The following TMPRSS7 variants were observed in gnomAD, a reference collection of about 807,000 sequenced individuals.
The protein encoded by TMPRSS7 is transmembrane protease serine 7.
In TMPRSS7, 81 loss-of-function variants were observed where a neutral mutation model predicts 95.6. That is an observed-to-expected ratio of 0.85 (90% CI 0.71 to 1.02). The LOEUF (loss-of-function observed/expected upper bound fraction) is 1.02, where lower values mean the gene tolerates loss of function less well. TMPRSS7 is among the 50% of genes least tolerant of loss of function. TMPRSS7 has a pLI of 0.00. For missense variants in TMPRSS7, 945 were observed against 955.2 expected, an observed-to-expected ratio of 0.99 and a Z score of 0.14; for synonymous variants, 364 against 337.8, an observed-to-expected ratio of 1.08 and a Z score of -0.85.
At chr3:112,075,955 C>T (rs1559964475) in intron 15 of TMPRSS7, among the ~76,000 whole-genome samples, 1 of 152,120 alleles carries the variant, frequency 6.6e-6, no homozygotes, top group African/African-American at 2.4e-5. Context: ...TCATTCACTT[C>T]TCATTCTGCA....
intron 12 of TMPRSS7, among the ~76,000 whole-genome samples, chr3:112,065,622 C>G (rs753426137): frequency 1.3e-5 from 2 of 152,084 alleles, no homozygotes; most frequent in Non-Finnish European, 2.9e-5. Flanking sequence ...ACTGAGGGAC[C>G]TAATGAACAA....
At chr3:112,065,862 A>T (rs1018340248) in intron 12 of TMPRSS7, among the ~76,000 whole-genome samples, 1 of 152,246 alleles carries the variant, frequency 6.6e-6, no homozygotes, top group Non-Finnish European at 1.5e-5. Context: ...CAGGAAATGG[A>T]TCTCATCAGA....
chr3:112,060,486 G>T (rs998458805), intron 10 of TMPRSS7, among the ~76,000 whole-genome samples: 33 of 152,180 alleles, frequency 2.2e-4, no homozygotes, highest in African/African-American at 7.7e-4. Context: ...ACCCTCAGGG[G>T]CACATTCTCT....
intron 13 of TMPRSS7, among the ~76,000 whole-genome samples, chr3:112,069,982 T>C (rs2073622269): frequency 6.6e-6 from 1 of 152,232 alleles, no homozygotes; most frequent in African/African-American, 2.4e-5. Flanking sequence ...CAAATTTCCC[T>C]CTACACACCG....
intron 7 of TMPRSS7, 104 bp from the exon 8 acceptor site, chr3:112,049,740 G>A: frequency 1.0e-6 from 1 of 958,956 alleles, no homozygotes; most frequent in Admixed American, 2.8e-5. Flanking sequence ...TGAGTGGATG[G>A]ATTGAATGGA....
chr3:112,052,474 A>T lies in TMPRSS7; in HGVS notation c.1203+1691A>T, dbSNP rs762213178. On this transcript the variant is annotated intron_variant, in intron 9 of 17. Coordinates refer to ENST00000452346, the Ensembl canonical transcript of TMPRSS7. The stretch of plus-strand genomic sequence containing the variant: ...CCTGATGGCATGTGTCCTTAAATTT[A>T]AAAAAAAATCATTATTACAAATATT... Among the ~76,000 whole-genome samples, 23 of 150,414 alleles carry T rather than the reference A, an allele frequency of 1.5e-4. 1 individual carries two copies. In the Middle Eastern group the frequency reaches 0.014, roughly 89 times the overall value.
At chr3:112,063,981 G>A (rs148859379) in intron 12 of TMPRSS7, among the ~76,000 whole-genome samples, 14 of 152,298 alleles carry the variant, frequency 9.2e-5, no homozygotes, top group Middle Eastern at 6.8e-3. Flanking sequence ...AGAGGGGAGA[G>A]CAGCAGCACA....
intron 13 of TMPRSS7, among the ~76,000 whole-genome samples, chr3:112,070,149 T>C (rs1383553645): frequency 6.6e-6 from 1 of 152,266 alleles, no homozygotes; most frequent in Non-Finnish European, 1.5e-5. Context: ...TGAATGAGTT[T>C]TTTAATCCTG....
intron 17 of TMPRSS7, among the ~76,000 whole-genome samples, chr3:112,079,257 G>A (rs901314317): frequency 6.6e-6 from 1 of 152,224 alleles, no homozygotes; most frequent in African/African-American, 2.4e-5. Context: ...GGTGGAAAGA[G>A]GAGAGGAATG....
intron 15 of TMPRSS7, 86 bp downstream of exon 15, chr3:112,075,578 T>A: frequency 8.5e-7 from 1 of 1,169,630 alleles, no homozygotes; most frequent in Non-Finnish European, 1.1e-6. Flanking sequence ...AGCAGATCCC[T>A]GTTGGGGACA....
At chr3:112,035,683 T>C (rs980450203) in intron 1 of TMPRSS7, among the ~76,000 whole-genome samples, 1 of 152,224 alleles carries the variant, frequency 6.6e-6, no homozygotes, top group Admixed American at 6.5e-5. Context: ...TGGAGTTTAG[T>C]TACCCTGACT....
At chr3:112,073,071 G>A (rs1325758982) in intron 13 of TMPRSS7, among the ~76,000 whole-genome samples, 1 of 149,882 alleles carries the variant, frequency 6.7e-6, no homozygotes, top group Non-Finnish European at 1.5e-5. Context: ...GTCCTCTCCA[G>A]CATCTGTTGT....
intron 11 of TMPRSS7, among the ~76,000 whole-genome samples, chr3:112,063,254 T>C (rs1161347137): frequency 6.6e-6 from 1 of 152,206 alleles, no homozygotes; most frequent in Non-Finnish European, 1.5e-5. Flanking sequence ...GACTAGACTA[T>C]GGAGATAGTA....
intron 11 of TMPRSS7, among the ~76,000 whole-genome samples, chr3:112,062,466 T>C (rs1260880495): frequency 6.6e-6 from 1 of 152,074 alleles, no homozygotes; most frequent in Admixed American, 6.6e-5. Context: ...GGGAAGTCAT[T>C]AGAACTACAG....
intron 13 of TMPRSS7, among the ~76,000 whole-genome samples, chr3:112,070,849 A>AT (rs1576120047): frequency 1.3e-5 from 2 of 152,200 alleles, no homozygotes; most frequent in East Asian, 3.9e-4. Flanking sequence ...ACATATGTAT[A>AT]CATGTGCCAT....
intron 9 of TMPRSS7, 64 bp from the exon 10 acceptor site, chr3:112,056,961 G>T: frequency 8.5e-7 from 1 of 1,178,120 alleles, no homozygotes. Context: ...AACAAGCCAA[G>T]GGAATAAGTA....
exon 7 of TMPRSS7, chr3:112,047,824 G>A: frequency 6.2e-7 from 1 of 1,614,198 alleles, no homozygotes; most frequent in African/African-American, 1.3e-5. Context: ...GGAGGCTGAT[G>A]TGTCACTTCA....
intron 17 of TMPRSS7, among the ~76,000 whole-genome samples, chr3:112,079,249 T>G (rs6438031): frequency 0.012 from 1,814 of 152,248 alleles, 43 homozygotes; most frequent in East Asian, 0.065. Context: ...TATATGCTGG[T>G]GGAAAGAGGA....
At chr3:112,080,855 G>A in intron 17 of TMPRSS7, 59 bp from the exon 18 acceptor site, 2 of 1,520,676 alleles carry the variant, frequency 1.3e-6, no homozygotes, top group Non-Finnish European at 8.9e-7. Flanking sequence ...ATACAATAAA[G>A]ATGAAACTGA....
Sources: gnomAD v4.1 joint callset for allele counts (sites outside exome capture counted in the v4.1 genomes callset) on GRCh38, gnomAD v4.1.1 for gene constraint, MANE v1.5 for transcripts, NCBI Gene and HGNC (gene_info 2026-07-23, HGNC 2026-07-21) for gene names.